The following PLEKHG4B variants were observed in gnomAD, a reference collection of about 807,000 sequenced individuals.
PLEKHG4B encodes pleckstrin homology domain-containing family G member 4B.
PLEKHG4B carries 111 observed loss-of-function variants against 121.3 expected under a neutral mutation model. The observed-to-expected ratio is 0.92, with a 90% CI of 0.78 to 1.07. The LOEUF (loss-of-function observed/expected upper bound fraction) is 1.07, where lower values mean the gene tolerates loss of function less well. PLEKHG4B is among the 50% of genes least tolerant of loss of function. The probability of loss-of-function intolerance (pLI) is 0.00; values close to 1 mark genes in which losing one functional copy is unlikely to be tolerated. For missense variants in PLEKHG4B, 1,831 were observed against 1,757.8 expected (o/e 1.04, Z -0.74); for synonymous variants, 738 against 725.0 (o/e 1.02, Z -0.29).
Position 140,551 on chromosome 5 carries a change from C to T in PLEKHG4B, c.1312C>T (p.Arg438Trp), listed in dbSNP as rs757696280. 17 of 1,604,570 alleles carry T rather than the reference C, an allele frequency of 1.1e-5. No individual in the cohort carries two copies. The East Asian group carries it at 1.1e-4, about 11-fold the overall frequency. Residue 438 changes from arginine (R) to tryptophan (W), a missense_variant, in exon 3 of 20, where the codon CGG (arginine) becomes TGG (tryptophan). Arg to Trp is a moderately radical substitution (Grantham distance 101). Transcript: ENST00000637938. ...AAGRTLPRRSRSWERAPRSSR... is the reference protein window; with the variant it reads ...AAGRTLPRRSWSWERAPRSSR... ...AGGGCGGACTCTTCCCAGGAGATCT[C>T]GGTCCTGGGAAAGGGCACCCAGAAG...
chr5:182,341 G>T lies in PLEKHG4B; in HGVS notation c.*18G>T. On this transcript the variant is annotated 3_prime_UTR_variant, in exon 20 of 20. Coordinates refer to ENST00000637938, the MANE Select transcript of PLEKHG4B (RefSeq NM_052909.5). ...AGGCCTGATGACTGTCAGGGTGGCA[G>T]TGCCCATCATGTGGCTAGAACAATA... is the stretch of plus-strand genomic sequence containing the variant. The T allele has an allele frequency of 1.3e-6, 2 of 1,572,986 alleles. No individual in the cohort carries two copies. The highest frequency in any genetic ancestry group is 1.7e-6 in the Non-Finnish European group (2 of 1,161,852).
chr5:150,516 G>T (rs977250112), intron 6 of PLEKHG4B, among the ~76,000 whole-genome samples: 7 of 152,134 alleles, frequency 4.6e-5, no homozygotes, highest in Admixed American at 1.3e-4. Flanking sequence ...TCACCACAAT[G>T]AAACAATTGA....
In PLEKHG4B at chr5:182,569, GAAAC is replaced by G. The variant is rs1466793755; in HGVS notation, c.*248_*251del. 3.9e-6 allele frequency: 2 copies of G among 514,944 alleles called. No individual in the cohort carries two copies. The highest frequency in any genetic ancestry group is 6.9e-6 in the Non-Finnish European group (2 of 289,196). 31.9% of individuals were successfully genotyped at this position (514,944 alleles called of 1,614,324 possible). ...ACTTCCACCCAAGACAACAGCATAG[GAAAC>G]AGACCTAAAACAAGACAAAAAAAGA... is the stretch of plus-strand genomic sequence containing the variant. On this transcript the variant is annotated 3_prime_UTR_variant, in exon 20 of 20. Transcript: ENST00000637938.
rs1156581469 is a variant in PLEKHG4B, at chr5:159,283, GT to G, written c.2487+2373del. ...TCGCCCAGGTGCACTGAGGGCAGGT[GT>G]GCCTGAGGGTCGCCCAGGTGCACCG... On this transcript the variant is annotated intron_variant, in intron 11 of 19. Transcript: ENST00000637938. This position sits in a 1 kb window ranked among gnomAD's most constrained non-coding sequence, Gnocchi z 5.5. Among the ~76,000 whole-genome samples the G allele has an allele frequency of 6.6e-6, 1 of 151,290 alleles. No individual in the cohort carries two copies. Among genetic ancestry groups the G allele is most frequent in the Admixed American group, 6.6e-5 (1 of 15,240 alleles).
rs1388340091 is a variant in PLEKHG4B at position 185,194 on chromosome 5, GGA to G, written c.*2878_*2879del. ...CTTGGGGGCGACACAGAAGACAAGT[GGA>G]GAGAGACTGAAGCAGCCACTGGCCA... On this transcript the variant is annotated 3_prime_UTR_variant, in exon 20 of 20. Coordinates refer to ENST00000637938, the MANE Select transcript of PLEKHG4B (RefSeq NM_052909.5). The G allele has an allele frequency of 1.3e-5, 2 of 152,154 alleles. No individual in the cohort carries two copies. The highest frequency in any genetic ancestry group is 2.1e-4 in the South Asian group (1 of 4,824). 9.4% of individuals were successfully genotyped at this position (152,154 alleles called of 1,614,324 possible).
chr5:133,461 A>G (rs1734837795), intron 2 of PLEKHG4B, among the ~76,000 whole-genome samples: 1 of 152,208 alleles, frequency 6.6e-6, no homozygotes, highest in Non-Finnish European at 1.5e-5. Flanking sequence ...TCCCATCAAA[A>G]AGTGGGCTAA....
chr5:142,764 G>A (rs1735261256), intron 3 of PLEKHG4B, among the ~76,000 whole-genome samples: 1 of 152,248 alleles, frequency 6.6e-6, no homozygotes. Context: ...CAGATGAGTA[G>A]GGATGAGATG....
intron 16 of PLEKHG4B, among the ~76,000 whole-genome samples, chr5:172,560 C>T (rs933714327): frequency 2.0e-5 from 3 of 152,226 alleles, no homozygotes; most frequent in Non-Finnish European, 4.4e-5. Context: ...GTGATCTCTG[C>T]ACGTATGACC....
In PLEKHG4B at chr5:137,424, T is replaced by TAC. The variant is rs1016783499; in HGVS notation, c.244-2046_244-2045dup. 9.2e-5 allele frequency among the ~76,000 whole-genome samples: 14 copies of TAC among 151,928 alleles called. No homozygotes were observed. Among genetic ancestry groups the TAC allele is most frequent in the South Asian group, 2.1e-4 (1 of 4,818 alleles). ...TGGTGAACTTCACATTATATCTGTT[T>TAC]ACACACACACACACCCTCCTCCCCA... On this transcript the variant is annotated intron_variant, in intron 2 of 19. Coordinates refer to ENST00000637938, the MANE Select transcript of PLEKHG4B (RefSeq NM_052909.5). The surrounding 1 kb of genome is among the most constrained non-coding windows in gnomAD (Gnocchi z 4.2).
chr5:123,400 A>G (rs1040010194), intron 2 of PLEKHG4B, among the ~76,000 whole-genome samples: 3 of 152,302 alleles, frequency 2.0e-5, no homozygotes, highest in South Asian at 4.1e-4. Flanking sequence ...AGAATGAGTT[A>G]GGAAGTATTC....
intron 13 of PLEKHG4B, chr5:169,043 T>G: frequency 8.4e-6 from 3 of 356,396 alleles, no homozygotes; most frequent in Admixed American, 4.6e-5. Flanking sequence ...CCCCAGCTAA[T>G]TTTTGTATTT....
chr5:92,616 G>A (rs1014934108), intron 1 of PLEKHG4B, among the ~76,000 whole-genome samples: 2 of 151,510 alleles, frequency 1.3e-5, no homozygotes, highest in African/African-American at 4.9e-5. Context: ...CGGCTGCTGC[G>A]GGAACGGGAG....
chr5:160,217 C>T (rs1377869352), intron 11 of PLEKHG4B, among the ~76,000 whole-genome samples: 2 of 152,252 alleles, frequency 1.3e-5, no homozygotes, highest in African/African-American at 4.8e-5. Flanking sequence ...CAAGCTCAGT[C>T]CCCGAGCCAT....
intron 2 of PLEKHG4B, among the ~76,000 whole-genome samples, chr5:121,250 AAAAAAAG>A (rs1272868704): frequency 2.0e-5 from 3 of 152,084 alleles, no homozygotes; most frequent in Non-Finnish European, 4.4e-5. Flanking sequence ...CCGTCTAAAA[AAAAAAAG>A]AAAAAGAAAA....
Position 144,836 on chromosome 5 carries a change from C to T in PLEKHG4B, c.1821C>T (p.Val607=), listed in dbSNP as rs945492540. 10 of 1,613,152 alleles carry T rather than the reference C, an allele frequency of 6.2e-6. No homozygotes were observed. The African/African-American group carries it at 1.2e-4, about 19-fold the overall frequency. Residue 607 remains valine (V), a synonymous_variant, in exon 6 of 20, where the codon GTC becomes GTT. Coordinates refer to ENST00000637938, the MANE Select transcript of PLEKHG4B (RefSeq NM_052909.5). ...GTCTTTCCCTCCCCAGGAAAGAGGTCCGGGACCTGGGGCTGGTTGTCCTGG... is the reference window on the plus strand; with the variant it reads ...GTCTTTCCCTCCCCAGGAAAGAGGTTCGGGACCTGGGGCTGGTTGTCCTGG... ...LYFHSIPRKE[V]RDLGLVVLVD... is the part of the protein sequence containing the mutation.
chr5:147,087 C>T (rs1333251764), intron 6 of PLEKHG4B, among the ~76,000 whole-genome samples: 3 of 152,138 alleles, frequency 2.0e-5, no homozygotes, highest in African/African-American at 7.2e-5. Flanking sequence ...GTGACAGGGA[C>T]CTTGGGCTGG....
Position 156,982 on chromosome 5 carries a change from C to T in PLEKHG4B, c.2487+71C>T. ...GCCAGGCTGGCCAAGGCAACCCTCT[C>T]ACCTTCACACTGTGTCTTTAGGGCC... On this transcript the variant is annotated intron_variant, in intron 11 of 19. Transcript: ENST00000637938. The surrounding 1 kb of genome is among the most constrained non-coding windows in gnomAD (Gnocchi z 4.4). 6.4e-7 allele frequency: 1 copy of T among 1,560,696 alleles called. No individual in the cohort carries two copies. The highest frequency in any genetic ancestry group is 8.7e-7 in the Non-Finnish European group (1 of 1,146,192).
intron 13 of PLEKHG4B, among the ~76,000 whole-genome samples, chr5:166,651 G>A (rs976256974): frequency 1.3e-5 from 2 of 151,894 alleles, no homozygotes; most frequent in African/African-American, 4.8e-5. Context: ...CCTGCTGGGC[G>A]GCCTGGTTCC....
intron 2 of PLEKHG4B, among the ~76,000 whole-genome samples, chr5:135,678 AAAAAATATATATATATATATATATAT>A (rs1251587868): frequency 7.7e-5 from 4 of 51,700 alleles, no homozygotes; most frequent in East Asian, 4.4e-4. Flanking sequence ...AAAAAAAAAA[AAAAAATATATATATATATATATATAT>A]ATATATATAT....
Sources: allele counts gnomAD v4.1 joint callset (sites outside exome capture counted in the v4.1 genomes callset), GRCh38; gene constraint gnomAD v4.1.1; non-coding constraint Gnocchi (gnomAD v3.1); transcripts MANE v1.5; gene names NCBI Gene and HGNC (gene_info 2026-07-23, HGNC 2026-07-21).